ARID2: variants seen among roughly 807,000 people sequenced by gnomAD.
ARID2 encodes AT-rich interaction domain 2, also known as AT-rich interactive domain-containing protein 2.
ARID2 carries 32 observed loss-of-function variants against 184.6 expected under a neutral mutation model. That is an observed-to-expected ratio of 0.17 (90% confidence interval 0.13 to 0.23). The LOEUF (loss-of-function observed/expected upper bound fraction) is 0.23. ARID2 is among the 10% of genes least tolerant of loss of function. The pLI is 1.00. For synonymous variants in ARID2, 836 were observed against 772.6 expected (o/e 1.08, Z -1.36); for missense variants, 1,696 against 2,197.6 (o/e 0.77, Z 4.56).
At chr12:45,835,935 A>G (rs890259504) in intron 6 of ARID2, among the ~76,000 whole-genome samples, 1 of 151,848 alleles carries the variant, frequency 6.6e-6, no homozygotes, top group Non-Finnish European at 1.5e-5. Flanking sequence ...GAAATGTCAA[A>G]TTTCCAGTAG....
chr12:45,824,064 C>T (rs1942948706), intron 6 of ARID2, among the ~76,000 whole-genome samples: 1 of 152,096 alleles, frequency 6.6e-6, no homozygotes, highest in Admixed American at 6.6e-5. Flanking sequence ...AATCCAACAA[C>T]ATATCAAAAA....
At chr12:45,745,542 C>A (rs933167934) in intron 3 of ARID2, among the ~76,000 whole-genome samples, 2 of 151,940 alleles carry the variant, frequency 1.3e-5, no homozygotes, top group African/African-American at 4.8e-5. Flanking sequence ...TAAAACGGGG[C>A]CTTTATTTAT....
intron 3 of ARID2, among the ~76,000 whole-genome samples, chr12:45,767,418 T>G (rs1209685410): frequency 6.6e-6 from 1 of 152,196 alleles, no homozygotes; most frequent in African/African-American, 2.4e-5. Context: ...AGATTCATGC[T>G]TTTAGTTACT....
At chr12:45,902,755 G>A (rs1944475487) in intron 20 of ARID2, among the ~76,000 whole-genome samples, 1 of 151,958 alleles carries the variant, frequency 6.6e-6, no homozygotes, top group Admixed American at 6.6e-5. Context: ...ATGTTGGCCA[G>A]GCTGGTCTCG....
rs371051621 is a variant in ARID2, at chr12:45,849,055, T to C, written c.1715+85T>C. 4.5e-4 allele frequency: 647 copies of C among 1,437,414 alleles called. 6 individuals carry two copies. In the South Asian group the frequency reaches 6.0e-3, roughly 13 times the overall value. 89.0% of individuals were successfully genotyped at this position (1,437,414 alleles called of 1,614,324 possible). The stretch of plus-strand genomic sequence containing the variant: ...TTTAAAGAAAATACCAAATATCTTA[T>C]CTAGTTTTAAATATTTCTACTACTA... On this transcript the variant is annotated intron_variant, in intron 13 of 20. Coordinates refer to ENST00000334344, the MANE Select transcript of ARID2 (RefSeq NM_152641.4).
chr12:45,874,433 G>C (rs1565633661), intron 16 of ARID2: 1 of 203,702 alleles, frequency 4.9e-6, no homozygotes. Context: ...TTTCAACAGT[G>C]TTCACAGCAT....
intron 3 of ARID2, among the ~76,000 whole-genome samples, chr12:45,763,530 T>G (rs1941718798): frequency 6.6e-6 from 1 of 152,012 alleles, no homozygotes; most frequent in Non-Finnish European, 1.5e-5. Context: ...TGGAGGAGAT[T>G]GTTACTGTTG....
At chr12:45,826,946 C>T (rs1943013457) in intron 6 of ARID2, among the ~76,000 whole-genome samples, 1 of 151,928 alleles carries the variant, frequency 6.6e-6, no homozygotes, top group African/African-American at 2.4e-5. Context: ...TTCTTCTCAT[C>T]CTTAATGTTT....
intron 3 of ARID2, among the ~76,000 whole-genome samples, chr12:45,761,367 T>G (rs1941675612): frequency 6.6e-6 from 1 of 152,238 alleles, no homozygotes; most frequent in Non-Finnish European, 1.5e-5. Flanking sequence ...CTTTTTTGAC[T>G]AGATTACATT....
At chr12:45,804,989 G>C (rs1222143483) in intron 3 of ARID2, among the ~76,000 whole-genome samples, 1 of 151,944 alleles carries the variant, frequency 6.6e-6, no homozygotes, top group Admixed American at 6.6e-5. Flanking sequence ...GTTGATGGCT[G>C]TTTGTATGGG....
Position 45,839,353 on chromosome 12 carries a change from T to A in ARID2, c.1355T>A (p.Met452Lys). Residue 452 changes from methionine to lysine, a missense_variant, in exon 11 of 21, where the codon ATG becomes AAG. Met to Lys is a moderately conservative substitution (Grantham distance 95). Coordinates refer to ENST00000334344, the MANE Select transcript of ARID2 (RefSeq NM_152641.4). ...SIDMLVCLVS[M>K]DIQMFGPDAL... ...GACATGTTAGTGTGTCTGGTTTCTA[T>A]GGATATTCAGATGTTTGGCCCTGAT... The A allele has an allele frequency of 6.2e-7, 1 of 1,612,252 alleles. No homozygotes were observed. Among genetic ancestry groups the A allele is most frequent in the Non-Finnish European group, 8.5e-7 (1 of 1,179,470 alleles).
chr12:45,882,939 T>C (rs1944127673), intron 16 of ARID2, among the ~76,000 whole-genome samples: 1 of 152,244 alleles, frequency 6.6e-6, no homozygotes, highest in Non-Finnish European at 1.5e-5. Context: ...TCTAAAGTCA[T>C]CAGTTCTTTG....
chr12:45,831,562 C>T (rs777005679), intron 6 of ARID2, among the ~76,000 whole-genome samples: 1 of 152,122 alleles, frequency 6.6e-6, no homozygotes, highest in Non-Finnish European at 1.5e-5. Context: ...TTTAAACATA[C>T]TATAAATTAT....
At chr12:45,730,210 G>A in intron 2 of ARID2, 73 bp downstream of exon 2, 3 of 1,490,084 alleles carry the variant, frequency 2.0e-6, no homozygotes, top group South Asian at 1.2e-5. Context: ...CCCCGGAGTG[G>A]GCGCTTGGGG....
At chr12:45,871,813 T>C (rs1370089257) in intron 16 of ARID2, among the ~76,000 whole-genome samples, 1 of 152,212 alleles carries the variant, frequency 6.6e-6, no homozygotes, top group Non-Finnish European at 1.5e-5. Context: ...ATTCAGATTA[T>C]CTGTTGCTCC....
intron 20 of ARID2, among the ~76,000 whole-genome samples, chr12:45,899,469 G>A (rs991371841): frequency 6.7e-5 from 10 of 149,526 alleles, no homozygotes; most frequent in Admixed American, 2.7e-4. Flanking sequence ...AGCTGGGCGT[G>A]GTGGCGGGCG....
chr12:45,757,896 G>GT (rs1941598544), intron 3 of ARID2, among the ~76,000 whole-genome samples: 1 of 152,120 alleles, frequency 6.6e-6, no homozygotes, highest in South Asian at 2.1e-4. Context: ...AATAGACATG[G>GT]TGCTTGCTTC....
At chr12:45,780,884 T>G (rs2138038223) in intron 3 of ARID2, among the ~76,000 whole-genome samples, 1 of 152,308 alleles carries the variant, frequency 6.6e-6, no homozygotes, top group South Asian at 2.1e-4. Flanking sequence ...CCTCCCAAAG[T>G]GCTGGGATTA....
chr12:45,854,956 A>T (rs1490862308), intron 15 of ARID2, among the ~76,000 whole-genome samples: 2 of 152,216 alleles, frequency 1.3e-5, no homozygotes, highest in Non-Finnish European at 2.9e-5. Context: ...TGGTACCAGG[A>T]CAGAAACCTG....
Sources: allele counts gnomAD v4.1 joint callset (sites outside exome capture counted in the v4.1 genomes callset), GRCh38; gene constraint gnomAD v4.1.1; transcripts MANE v1.5; gene names NCBI Gene and HGNC (gene_info 2026-07-23, HGNC 2026-07-21).